ZNRF3: variants seen among roughly 807,000 people sequenced by gnomAD.
The protein encoded by ZNRF3 is E3 ubiquitin-protein ligase ZNRF3.
In ZNRF3, 23 loss-of-function variants were observed where a neutral mutation model predicts 72.5. The ratio of observed to expected loss-of-function variants is 0.32; its 90% CI spans 0.23 to 0.45. The LOEUF is 0.45. Ranked by LOEUF, ZNRF3 falls within the 20% of genes least tolerant of loss-of-function variation. The pLI, the probability that ZNRF3 is intolerant of heterozygous loss-of-function variation, is 1.00. For synonymous variants in ZNRF3, 610 were observed against 545.3 expected (o/e 1.12, Z -1.65); for missense variants, 1,169 against 1,272.1 (o/e 0.92, Z 1.23).
rs746350392 is a variant in ZNRF3 at position 29,050,364 on chromosome 22, C to G, written c.2183C>G (p.Ala728Gly). 132 of 1,603,908 alleles carry G rather than the reference C, an allele frequency of 8.2e-5. No individual in the cohort carries two copies. The East Asian group carries it at 2.9e-3, about 35-fold the overall frequency. The change falls in exon 8 of 9, where the codon GCT becomes GGT. Residue 728 changes from alanine to glycine, a missense_variant. By Grantham distance (60) the Ala-to-Gly change is moderately conservative. Coordinates refer to ENST00000544604, the MANE Select transcript of ZNRF3 (RefSeq NM_001206998.2). Reference protein sequence around the residue: ...PSPAGPSAGAAGSSTLFLGPH... With the variant: ...PSPAGPSAGAGGSSTLFLGPH... ...CCAGCCGGGCCTAGCGCCGGAGCAG[C>G]TGGCAGCAGCACCTTGTTCCTGGGG... is the stretch of plus-strand genomic sequence containing the variant.
chr22:29,041,876 A>G (rs1402785775), intron 2 of ZNRF3, among the ~76,000 whole-genome samples: 1 of 152,202 alleles, frequency 6.6e-6, no homozygotes, highest in East Asian at 1.9e-4. Context: ...TGGGAAGGAA[A>G]AAGGAACCGC....
chr22:28,894,348 T>TTC (rs1555964124), intron 1 of ZNRF3, among the ~76,000 whole-genome samples: 3,430 of 151,944 alleles, frequency 0.023, 92 homozygotes, highest in African/African-American at 0.055. Flanking sequence ...CTTTTTTTTT[T>TTC]TTTTTGTCTG....
intron 2 of ZNRF3, among the ~76,000 whole-genome samples, chr22:28,998,536 T>A (rs1337874686): frequency 6.6e-6 from 1 of 152,076 alleles, no homozygotes; most frequent in African/African-American, 2.4e-5. Context: ...GTAAAGGAAA[T>A]CAGATCAGAA....
intron 2 of ZNRF3, among the ~76,000 whole-genome samples, chr22:29,007,196 G>T (rs1050110235): frequency 6.6e-6 from 1 of 152,220 alleles, no homozygotes; most frequent in Non-Finnish European, 1.5e-5. Flanking sequence ...TGGCTCTAAT[G>T]AATGGTCTTC....
intron 1 of ZNRF3, among the ~76,000 whole-genome samples, chr22:28,939,295 A>AAC (rs1555971088): frequency 6.6e-6 from 1 of 151,802 alleles, no homozygotes; most frequent in Non-Finnish European, 1.5e-5. Context: ...AAAAAAAAAA[A>AAC]AAAACAAAAC....
chr22:28,933,906 G>A lies in ZNRF3; in HGVS notation c.300+49840G>A, dbSNP rs529685982. ...TTTGGGATACTCATTAGAGTTGCTC[G>A]GTGGAGATGGAATGATGGTGGGGTG... On this transcript the variant is annotated intron_variant, in intron 1 of 8. Transcript: ENST00000544604. 6.6e-5 allele frequency among the ~76,000 whole-genome samples: 10 copies of A among 151,660 alleles called. 1 individual carries two copies. In the South Asian group the frequency reaches 1.3e-3, roughly 19 times the overall value.
chr22:29,045,057 G>GA (rs1388378959), intron 5 of ZNRF3, among the ~76,000 whole-genome samples, 167 bp downstream of exon 5: 2 of 151,486 alleles, frequency 1.3e-5, no homozygotes, highest in Non-Finnish European at 2.9e-5. Flanking sequence ...TGCAAAGATG[G>GA]AAAAAAAATA....
intron 1 of ZNRF3, among the ~76,000 whole-genome samples, chr22:28,894,125 T>A (rs1217603742): frequency 6.8e-6 from 1 of 146,796 alleles, no homozygotes; most frequent in African/African-American, 2.5e-5. Context: ...CCTGGCTAAT[T>A]TTTTTTTTTT....
At chr22:28,997,962 C>T (rs2036072218) in intron 2 of ZNRF3, among the ~76,000 whole-genome samples, 1 of 128,504 alleles carries the variant, frequency 7.8e-6, no homozygotes, top group South Asian at 2.5e-4. Context: ...TATAATCACA[C>T]AACTGAGAGT....
rs2036984314 is a variant in ZNRF3 at position 29,042,561 on chromosome 22, A to G, written c.493A>G (p.Ile165Val). Residue 165 changes from isoleucine (I) to valine (V), a missense_variant, in exon 3 of 9, where the codon ATT (isoleucine) becomes GTT (valine). Ile to Val is a conservative substitution (Grantham distance 29). This residue lies in a region of ZNRF3 where 386 missense variants were observed against 540.7 expected (regional missense o/e 0.71). Coordinates refer to ENST00000544604, the MANE Select transcript of ZNRF3 (RefSeq NM_001206998.2). ...IFDVSENPEA[I>V]DQLNQGSEDP... is the part of the protein sequence containing the mutation. ...TGATGTGTCTGAAAACCCAGAAGCT[A>G]TTGATCAGGTAAGCTCCTCAGGCCA... The G allele has an allele frequency of 6.2e-7, 1 of 1,613,420 alleles. No homozygotes were observed. Among genetic ancestry groups the G allele is most frequent in the Non-Finnish European group, 8.5e-7 (1 of 1,179,992 alleles).
intron 1 of ZNRF3, among the ~76,000 whole-genome samples, chr22:28,915,380 C>A (rs566499660): frequency 1.3e-5 from 2 of 152,306 alleles, no homozygotes; most frequent in East Asian, 3.9e-4. Context: ...CCTGCTTTAA[C>A]TTGGTCACCT....
chr22:28,917,268 AACACACACACACACACACACACACAC>A, intron 1 of ZNRF3: 1 of 170,052 alleles, frequency 5.9e-6, no homozygotes, highest in Non-Finnish European at 1.1e-5. Context: ...TTGGGGATAA[AACACACACACACACACACACACACAC>A]ACACACACAC....
intron 1 of ZNRF3, among the ~76,000 whole-genome samples, chr22:28,976,354 T>G (rs2035674538): frequency 6.6e-6 from 1 of 152,074 alleles, no homozygotes; most frequent in Non-Finnish European, 1.5e-5. Context: ...AGACCCTGTC[T>G]CTACTAAAAA....
intron 2 of ZNRF3, among the ~76,000 whole-genome samples, chr22:29,009,765 T>TTC (rs1232265209): frequency 2.0e-5 from 3 of 152,130 alleles, no homozygotes; most frequent in Admixed American, 2.0e-4. Context: ...ACCTTGAATC[T>TTC]TCTCTCTCTC....
chr22:28,893,359 G>A (rs1157204923), intron 1 of ZNRF3, among the ~76,000 whole-genome samples: 1 of 151,974 alleles, frequency 6.6e-6, no homozygotes. Flanking sequence ...AAGAAACATC[G>A]GTTTTATGCA....
At chr22:28,996,405 A>G (rs542170296) in intron 2 of ZNRF3, among the ~76,000 whole-genome samples, 14 of 152,240 alleles carry the variant, frequency 9.2e-5, no homozygotes, top group Non-Finnish European at 2.1e-4. Flanking sequence ...TTCTCAGATT[A>G]TAATTCCTAA....
In ZNRF3 at chr22:29,054,972, C is replaced by G. The variant is rs944629188; in HGVS notation, c.*1350C>G. On this transcript the variant is annotated 3_prime_UTR_variant, in exon 9 of 9. Coordinates refer to ENST00000544604, the MANE Select transcript of ZNRF3 (RefSeq NM_001206998.2). ...TAATGCACTATTATGTATTGATTCT[C>G]CATGAGACAGAGAGAGAGAGAGACT... The G allele has an allele frequency of 2.0e-5, 3 of 152,692 alleles. No homozygotes were observed. 9.5% of individuals were successfully genotyped at this position (152,692 alleles called of 1,614,324 possible). A position where few individuals can be genotyped will look rare whatever the true frequency, so the allele number is the denominator to read the frequency against.
chr22:28,911,138 T>C (rs1453256135), intron 1 of ZNRF3, among the ~76,000 whole-genome samples: 2 of 152,074 alleles, frequency 1.3e-5, no homozygotes, highest in African/African-American at 2.4e-5. Context: ...TTGGGGGATC[T>C]GCAGCTGTGC....
chr22:29,045,244 C>T (rs1430939483), intron 5 of ZNRF3, among the ~76,000 whole-genome samples: 1 of 151,588 alleles, frequency 6.6e-6, no homozygotes, highest in East Asian at 1.9e-4. Flanking sequence ...ACGTGTAGTC[C>T]CAGCTACTCG....
Sources: gnomAD v4.1 joint callset for allele counts (sites outside exome capture counted in the v4.1 genomes callset) on GRCh38, gnomAD v4.1.1 for gene constraint, gnomAD v4.1.1 regional missense constraint, MANE v1.5 for transcripts, NCBI Gene and HGNC (gene_info 2026-07-23, HGNC 2026-07-21) for gene names.